The following PROS1 variants were observed in gnomAD, a reference collection of about 807,000 sequenced individuals.
PROS1 encodes vitamin K-dependent protein S.
PROS1 carries 29 observed loss-of-function variants against 75.9 expected under a neutral mutation model. The ratio of observed to expected loss-of-function variants is 0.38; its 90% CI spans 0.28 to 0.52. PROS1 has a LOEUF of 0.52. Among genes scored for constraint, PROS1 ranks in the 20% least tolerant of loss-of-function variants. The pLI is 0.83. For synonymous variants in PROS1, 245 were observed against 280.6 expected, an observed-to-expected ratio of 0.87 and a Z score of 1.27; for missense variants, 680 against 810.3, an observed-to-expected ratio of 0.84 and a Z score of 1.95.
intron 1 of PROS1, among the ~76,000 whole-genome samples, chr3:93,966,738 G>T (rs1224982338): frequency 1.3e-5 from 2 of 151,476 alleles, no homozygotes; most frequent in South Asian, 4.2e-4. Flanking sequence ...TTAGCTGGGC[G>T]TGGTGGCAAC....
At chr3:93,899,110 C>T (rs182099821) in intron 7 of PROS1, among the ~76,000 whole-genome samples, 24 of 149,076 alleles carry the variant, frequency 1.6e-4, no homozygotes, top group Admixed American at 1.3e-3. Context: ...ACTCATAATG[C>T]GATAATTAAT....
At chr3:93,929,453 T>C (rs1576199892) in intron 1 of PROS1, among the ~76,000 whole-genome samples, 1 of 151,682 alleles carries the variant, frequency 6.6e-6, no homozygotes, top group East Asian at 1.9e-4. Flanking sequence ...TGCACTCCAG[T>C]GTGGGTGACA....
chr3:93,907,328 C>T (rs549758471), intron 4 of PROS1, among the ~76,000 whole-genome samples: 74 of 152,254 alleles, frequency 4.9e-4, no homozygotes, highest in Middle Eastern at 3.4e-3. Flanking sequence ...CTGCAGACAT[C>T]GAATGACCTG....
intron 9 of PROS1, among the ~76,000 whole-genome samples, chr3:93,893,794 GT>G (rs1398980638): frequency 6.6e-6 from 1 of 152,136 alleles, no homozygotes; most frequent in Non-Finnish European, 1.5e-5. Flanking sequence ...ATAAGTCACT[GT>G]TGTAGAATAC....
chr3:93,900,664 T>A, intron 7 of PROS1, 140 bp downstream of exon 7: 1 of 1,240,786 alleles, frequency 8.1e-7, no homozygotes, highest in Non-Finnish European at 1.2e-6. Context: ...AGGAAGCCAA[T>A]GATTACCCAA....
At chr3:93,876,942 A>G (rs1260405696) in intron 14 of PROS1, 24 bp downstream of exon 14, 1 of 1,451,632 alleles carries the variant, frequency 6.9e-7, no homozygotes. Flanking sequence ...ACTTTTTAAA[A>G]CTGAAGAAAA....
intron 1 of PROS1, among the ~76,000 whole-genome samples, chr3:93,945,184 A>C (rs548727256): frequency 2.0e-5 from 3 of 152,224 alleles, no homozygotes; most frequent in Non-Finnish European, 4.4e-5. Context: ...AATAAAAAAA[A>C]GTCCAGGACC....
intron 1 of PROS1, among the ~76,000 whole-genome samples, chr3:93,933,959 A>G (rs1709144092): frequency 6.7e-6 from 1 of 149,806 alleles, no homozygotes; most frequent in African/African-American, 2.5e-5. Context: ...CAGTGAGCTG[A>G]GATCGTGCTG....
intron 1 of PROS1, among the ~76,000 whole-genome samples, chr3:93,932,051 T>C (rs1709114266): frequency 6.6e-6 from 1 of 152,222 alleles, no homozygotes; most frequent in Non-Finnish European, 1.5e-5. Context: ...TACAGGACTG[T>C]TGGATGAGAC....
intron 1 of PROS1, among the ~76,000 whole-genome samples, chr3:93,928,090 C>T (rs1208385364): frequency 1.4e-5 from 2 of 138,296 alleles, no homozygotes; most frequent in East Asian, 2.2e-4. Flanking sequence ...TCTCGGCTCA[C>T]TGCAACCTCT....
chr3:93,971,200 G>T (rs1709875474), intron 1 of PROS1, among the ~76,000 whole-genome samples: 1 of 150,754 alleles, frequency 6.6e-6, no homozygotes, highest in African/African-American at 2.4e-5. Flanking sequence ...AAATTAGCCG[G>T]GTATGGTGGT....
At chr3:93,968,655 G>C (rs754142016) in intron 1 of PROS1, among the ~76,000 whole-genome samples, 2 of 151,978 alleles carry the variant, frequency 1.3e-5, no homozygotes, top group Non-Finnish European at 2.9e-5. Context: ...ATTCACTAGG[G>C]GATCTAACAT....
chr3:93,907,000 A>G (rs1576187808), intron 4 of PROS1, among the ~76,000 whole-genome samples: 2 of 152,186 alleles, frequency 1.3e-5, no homozygotes, highest in South Asian at 4.1e-4. Flanking sequence ...CCCTTGGCAC[A>G]AACAGCCTGG....
intron 4 of PROS1, 115 bp from the exon 5 acceptor site, chr3:93,906,258 C>T: frequency 9.1e-7 from 1 of 1,102,100 alleles, no homozygotes; most frequent in Non-Finnish European, 1.3e-6. Flanking sequence ...AAACACACAA[C>T]TCCTTTCTTT....
chr3:93,877,895 C>T (rs1708215094), intron 13 of PROS1, among the ~76,000 whole-genome samples: 1 of 152,084 alleles, frequency 6.6e-6, no homozygotes, highest in Non-Finnish European at 1.5e-5. Context: ...ATCCAAGATA[C>T]CTATTTTAAG....
chr3:93,914,210 C>T (rs1285434982), intron 3 of PROS1, among the ~76,000 whole-genome samples: 1 of 152,184 alleles, frequency 6.6e-6, no homozygotes, highest in Non-Finnish European at 1.5e-5. Context: ...TCCCATGGCT[C>T]CACTAGGCAT....
chr3:93,930,715 T>C (rs181400022), intron 1 of PROS1, among the ~76,000 whole-genome samples: 187 of 152,326 alleles, frequency 1.2e-3, no homozygotes, highest in Non-Finnish European at 1.9e-3. Context: ...GAATGTCCAC[T>C]TAAGTTTATA....
chr3:93,926,948 A>G (rs1401970299), intron 2 of PROS1, among the ~76,000 whole-genome samples: 1 of 151,714 alleles, frequency 6.6e-6, no homozygotes, highest in Non-Finnish European at 1.5e-5. Context: ...TCCCCCTAAC[A>G]CTATCAAATT....
chr3:93,939,783 C>T (rs1291888311), intron 1 of PROS1, among the ~76,000 whole-genome samples: 10 of 151,914 alleles, frequency 6.6e-5, no homozygotes, highest in East Asian at 1.9e-4. Context: ...GTCAGAAAGC[C>T]GTCTTATTCT....
Sources: allele counts gnomAD v4.1 joint callset (sites outside exome capture counted in the v4.1 genomes callset), GRCh38; gene constraint gnomAD v4.1.1; transcripts MANE v1.5; gene names NCBI Gene and HGNC (gene_info 2026-07-23, HGNC 2026-07-21).